GSE1: variants seen among roughly 807,000 people sequenced by gnomAD.
GSE1 encodes the protein Gse1 coiled-coil protein.
GSE1 carries 32 observed loss-of-function variants against 112.6 expected under a neutral mutation model. The observed-to-expected ratio is 0.28, with a 90% confidence interval of 0.21 to 0.38. The LOEUF (loss-of-function observed/expected upper bound fraction) is 0.38. Ranked by LOEUF, GSE1 falls within the 10% of genes least tolerant of loss-of-function variation. The probability of loss-of-function intolerance (pLI) is 1.00; values close to 1 mark genes in which losing one functional copy is unlikely to be tolerated. For synonymous variants in GSE1, 1,115 were observed against 735.6 expected (o/e 1.52, Z -8.35); for missense variants, 2,348 against 1,699.2 (o/e 1.38, Z -6.71).
chr16:85,379,530 C>G (rs1005319058), intron 2 of GSE1, among the ~76,000 whole-genome samples: 1 of 152,318 alleles, frequency 6.6e-6, no homozygotes, highest in African/African-American at 2.4e-5. Context: ...TTCCTCACCC[C>G]GTGGTGAGCA....
Position 85,246,330 on chromosome 16 carries a change from C to T in GSE1, c.2283+74523C>T, listed in dbSNP as rs1378528043. 3.9e-4 allele frequency among the ~76,000 whole-genome samples: 30 copies of T among 77,280 alleles called. 1 individual carries two copies. The highest frequency in any genetic ancestry group is 7.0e-4 in the Non-Finnish European group (28 of 39,828). The allele number at this position is 77,280 out of a possible 152,430, so 50.7% of individuals were successfully genotyped here. A position where few individuals can be genotyped will look rare whatever the true frequency, so the allele number is the denominator to read the frequency against. ...CTGTCTACACACACACACACACACA[C>T]ACCCCCCACACGCTGTCTACACACA... is the stretch of plus-strand genomic sequence containing the variant. On this transcript the variant is annotated intron_variant, in intron 1 of 2. Coordinates refer to the GSE1 transcript ENST00000637419.
At chr16:85,238,677 G>A (rs1308490035) in intron 1 of GSE1, among the ~76,000 whole-genome samples, 1 of 152,172 alleles carries the variant, frequency 6.6e-6, no homozygotes, top group African/African-American at 2.4e-5. Flanking sequence ...GCTTGCCGCA[G>A]GATCTCCCTG....
chr16:85,661,385 G>T lies in GSE1; in HGVS notation c.1880G>T (p.Arg627Leu), dbSNP rs777296904. Residue 627 changes from arginine to leucine, a missense_variant, in exon 9 of 16, where the codon CGG (arginine) becomes CTG (leucine). By Grantham distance (102) the Arg-to-Leu change is moderately radical. Transcript: ENST00000253458. The stretch of plus-strand genomic sequence containing the variant: ...GCCGTGCCGCTGGTGAAGGTGGAGC[G>T]GGTCTTCTGCCCGGAGAAAGCAGAG... ...QAAVPLVKVERVFCPEKAEEG... is the reference protein window; with the variant it reads ...QAAVPLVKVELVFCPEKAEEG... 6.2e-7 allele frequency: 1 copy of T among 1,612,176 alleles called. No individual in the cohort carries two copies. The highest frequency in any genetic ancestry group is 1.3e-5 in the African/African-American group (1 of 74,936).
chr16:85,208,105 G>C (rs1202271208), intron 1 of GSE1, among the ~76,000 whole-genome samples: 1 of 152,194 alleles, frequency 6.6e-6, no homozygotes, highest in African/African-American at 2.4e-5. Context: ...GAGGGAGTCA[G>C]GATGCCTGGT....
At chr16:85,523,013 C>A (rs914008575) in intron 2 of GSE1, among the ~76,000 whole-genome samples, 1 of 151,468 alleles carries the variant, frequency 6.6e-6, no homozygotes, top group Non-Finnish European at 1.5e-5. Context: ...TATGTGGGCA[C>A]GTGTTGTGTG....
At chr16:85,601,192 C>A (rs2047449824) in intron 1 of GSE1, among the ~76,000 whole-genome samples, 1 of 151,732 alleles carries the variant, frequency 6.6e-6, no homozygotes, top group South Asian at 2.1e-4. Context: ...TTCCAGACGC[C>A]CCTAGTGCAG....
chr16:85,304,575 C>G (rs1051497125), intron 1 of GSE1, among the ~76,000 whole-genome samples: 11 of 120,084 alleles, frequency 9.2e-5, no homozygotes, highest in Non-Finnish European at 1.8e-4. Flanking sequence ...GATTGAAAAG[C>G]TGCATGGCAG....
chr16:85,344,986 G>T (rs992695814), intron 1 of GSE1, among the ~76,000 whole-genome samples: 1 of 152,192 alleles, frequency 6.6e-6, no homozygotes, highest in African/African-American at 2.4e-5. Context: ...TCAAGACTCA[G>T]CCGCCCCCTC....
At chr16:85,246,200 T>TACACACACACACACACACACACAC (rs545313239) in intron 1 of GSE1, among the ~76,000 whole-genome samples, 1 of 89,054 alleles carries the variant, frequency 1.1e-5, no homozygotes, top group Non-Finnish European at 2.1e-5. Flanking sequence ...TCAGGGACCC[T>TACACACACACACACACACACACAC]ACACACACAC....
At chr16:85,223,294 G>A (rs574341425) in intron 1 of GSE1, among the ~76,000 whole-genome samples, 14 of 152,304 alleles carry the variant, frequency 9.2e-5, no homozygotes, top group African/African-American at 2.6e-4. Context: ...AGGCCAAGGC[G>A]CGTGGATCAT....
Position 85,287,442 on chromosome 16 carries a change from A to G in GSE1, c.2284-70021A>G, listed in dbSNP as rs111943049. 3.2e-3 allele frequency among the ~76,000 whole-genome samples: 486 copies of G among 151,730 alleles called. 4 individuals carry two copies. Among genetic ancestry groups the G allele is most frequent in the African/African-American group, 0.011 (461 of 41,352 alleles). ...CTGACAAGGCAGTAATGATCCACCC[A>G]CACCCCCGCCTCTGGCTTCATCTCC... On this transcript the variant is annotated intron_variant, in intron 1 of 2. Coordinates refer to the GSE1 transcript ENST00000637419.
chr16:85,323,395 G>A (rs896005559), intron 1 of GSE1, among the ~76,000 whole-genome samples: 53 of 152,234 alleles, frequency 3.5e-4, no homozygotes, highest in Non-Finnish European at 3.5e-4. Context: ...CGGCACTGGC[G>A]GACCAGGCCT....
In GSE1 at chr16:85,661,467, G is replaced by A. The variant is rs771094481; in HGVS notation, c.1962G>A (p.Pro654=). 24 of 1,611,456 alleles carry A rather than the reference G, an allele frequency of 1.5e-5. No homozygotes were observed. The highest frequency in any genetic ancestry group is 1.7e-4 in the Middle Eastern group (1 of 6,058). ...TGGACAAGTACCAGCCACCTCCGCC[G>A]CCACCACGAGAGGGAGGGAGCCTGG... ...APLDKYQPPP[P]PPREGGSLEH... Residue 654 remains proline (P), a synonymous_variant, in exon 9 of 16, where the codon CCG becomes CCA. Coordinates refer to ENST00000253458, the MANE Select transcript of GSE1 (RefSeq NM_014615.5).
chr16:85,221,327 CA>C (rs1327626603), intron 1 of GSE1, among the ~76,000 whole-genome samples: 4 of 148,402 alleles, frequency 2.7e-5, no homozygotes, highest in Admixed American at 1.3e-4. Flanking sequence ...CACACACACA[CA>C]CACACACCCC....
intron 1 of GSE1, among the ~76,000 whole-genome samples, chr16:85,268,592 A>T (rs1908503245): frequency 1.3e-5 from 2 of 152,176 alleles, no homozygotes; most frequent in Non-Finnish European, 2.9e-5. Flanking sequence ...CTGTCTGGCC[A>T]TAAGGACAGG....
chr16:85,399,139 G>T (rs371996437), intron 2 of GSE1, among the ~76,000 whole-genome samples: 3 of 152,152 alleles, frequency 2.0e-5, no homozygotes, highest in East Asian at 1.9e-4. Context: ...CATACACGTG[G>T]CTTGTGTGTG....
At chr16:85,607,646 G>C (rs2047768737), upstream of GSE1, among the ~76,000 whole-genome samples, 3 of 152,164 alleles carry the variant, frequency 2.0e-5, no homozygotes, top group African/African-American at 4.8e-5. Flanking sequence ...CACCTGAGCT[G>C]CTGGGGTGGG....
intron 2 of GSE1, among the ~76,000 whole-genome samples, chr16:85,455,137 C>G (rs1567500632): frequency 6.6e-6 from 1 of 152,244 alleles, no homozygotes; most frequent in Non-Finnish European, 1.5e-5. Flanking sequence ...CAATAAACAC[C>G]TGCAGATTGG....
At position 85,631,773 on chromosome 16, in the gene GSE1, G is replaced by A. The variant is rs545515463; in HGVS notation, c.8-2141G>A. 6.9e-4 allele frequency among the ~76,000 whole-genome samples: 105 copies of A among 152,364 alleles called. 3 individuals carry two copies. Among genetic ancestry groups the A allele is most frequent in the African/African-American group, 2.4e-3 (101 of 41,588 alleles). On this transcript the variant is annotated intron_variant, in intron 1 of 15. Transcript: ENST00000253458. Reference sequence around the variant, plus strand: ...ACCCCGTTTGGTAGATGAAGAAACGGAGGCCCTGACAGGCAAAGTAACTTG... The same window carrying A: ...ACCCCGTTTGGTAGATGAAGAAACGAAGGCCCTGACAGGCAAAGTAACTTG...
Sources: allele counts gnomAD v4.1 joint callset (sites outside exome capture counted in the v4.1 genomes callset), GRCh38; gene constraint gnomAD v4.1.1; transcripts MANE v1.5; gene names NCBI Gene and HGNC (gene_info 2026-07-23, HGNC 2026-07-21).